The following UBE2G1 variants were observed in gnomAD, a reference collection of about 807,000 sequenced individuals.
UBE2G1 encodes ubiquitin conjugating enzyme E2 G1.
In UBE2G1, 5 loss-of-function variants were observed where a neutral mutation model predicts 22.7. The ratio of observed to expected loss-of-function variants is 0.22; its 90% confidence interval spans 0.12 to 0.46. The LOEUF is 0.46. Among genes scored for constraint, UBE2G1 ranks in the 20% least tolerant of loss-of-function variants. The probability of loss-of-function intolerance (pLI) is 0.99; values close to 1 mark genes in which losing one functional copy is unlikely to be tolerated. For synonymous variants in UBE2G1, 74 were observed against 67.5 expected (o/e 1.10, Z -0.47); for missense variants, 88 against 203.9 (o/e 0.43, Z 3.46).
chr17:4,296,886 T>C (rs1969118935), intron 2 of UBE2G1, 72 bp from the exon 3 acceptor site: 11 of 1,344,056 alleles, frequency 8.2e-6, no homozygotes, highest in East Asian at 4.6e-5. Context: ...TTAAAACAAA[T>C]ATAAAACAAG....
chr17:4,305,418 G>C (rs1239828585), intron 2 of UBE2G1, among the ~76,000 whole-genome samples: 1 of 152,190 alleles, frequency 6.6e-6, no homozygotes, highest in African/African-American at 2.4e-5. Context: ...GCACAGTCCA[G>C]AAGTGACCAC....
intron 5 of UBE2G1, among the ~76,000 whole-genome samples, chr17:4,280,121 C>T (rs1224670749): frequency 1.3e-5 from 2 of 151,246 alleles, no homozygotes; most frequent in Admixed American, 6.6e-5. Flanking sequence ...TCGCAGCCTC[C>T]GCCTCCTGGG....
chr17:4,333,773 T>C (rs1969611872), intron 1 of UBE2G1, among the ~76,000 whole-genome samples: 1 of 151,876 alleles, frequency 6.6e-6, no homozygotes, highest in African/African-American at 2.4e-5. Context: ...GAGCCGAGAT[T>C]GCACCACTGC....
At chr17:4,307,885 AG>A (rs1969265769) in intron 1 of UBE2G1, among the ~76,000 whole-genome samples, 1 of 152,228 alleles carries the variant, frequency 6.6e-6, no homozygotes, top group Non-Finnish European at 1.5e-5. Flanking sequence ...GGGGGCACAC[AG>A]GCCAAGACAG....
chr17:4,340,859 C>T (rs73330840), intron 1 of UBE2G1, among the ~76,000 whole-genome samples: 6,195 of 145,722 alleles, frequency 0.043, 507 homozygotes, highest in African/African-American at 0.15. Flanking sequence ...CCTCCCATTT[C>T]GGCCTTCCAC....
At chr17:4,274,080 A>G (rs975170825) in intron 5 of UBE2G1, among the ~76,000 whole-genome samples, 79 of 143,746 alleles carry the variant, frequency 5.5e-4, no homozygotes, top group Middle Eastern at 8.0e-3. Context: ...TCCCTGGTTC[A>G]CGCCATTCTC....
At chr17:4,282,216 G>C (rs1968901917) in intron 5 of UBE2G1, among the ~76,000 whole-genome samples, 1 of 152,132 alleles carries the variant, frequency 6.6e-6, no homozygotes, top group Non-Finnish European at 1.5e-5. Context: ...CTGAGTAGCT[G>C]GGATTACAGG....
chr17:4,345,018 T>C (rs1969753496), intron 1 of UBE2G1, among the ~76,000 whole-genome samples: 1 of 152,204 alleles, frequency 6.6e-6, no homozygotes, highest in Non-Finnish European at 1.5e-5. Context: ...ACAGAATTAC[T>C]GAAAATTTTA....
At chr17:4,293,098 A>G (rs1056854026) in intron 3 of UBE2G1, among the ~76,000 whole-genome samples, 12 of 152,284 alleles carry the variant, frequency 7.9e-5, no homozygotes, top group African/African-American at 2.6e-4. Flanking sequence ...TTTTCACCCT[A>G]CAATGAAACG....
Position 4,296,787 on chromosome 17 carries a change from A to G in UBE2G1, c.177T>C (p.Leu59=), listed in dbSNP as rs774009953. 2 of 1,614,004 alleles carry G rather than the reference A, an allele frequency of 1.2e-6. No homozygotes were observed. The highest frequency in any genetic ancestry group is 3.3e-5 in the Admixed American group (2 of 60,020). ...GGAGGGGATAATCTTTTGGGAAAGT[A>G]AGATGAGCCTTAAAAACACCACCTT... ...LYEGGVFKAH[L]TFPKDYPLRP... The change falls in exon 3 of 6, where the codon CTT becomes CTC. Residue 59 remains leucine, a synonymous_variant. Transcript: ENST00000396981.
intron 1 of UBE2G1, among the ~76,000 whole-genome samples, chr17:4,346,915 G>A (rs1181189031): frequency 1.3e-5 from 2 of 151,866 alleles, no homozygotes; most frequent in Admixed American, 6.6e-5. Flanking sequence ...CACTTTGGGA[G>A]ACCAAGGCGG....
intron 5 of UBE2G1, 128 bp from the exon 6 acceptor site, chr17:4,272,644 TTCTA>T (rs1968774743): frequency 5.4e-6 from 1 of 186,294 alleles, no homozygotes; most frequent in South Asian, 1.4e-4. Flanking sequence ...CTCACTTTGT[TTCTA>T]TCTATTATGG....
chr17:4,303,900 C>A (rs1389261739), intron 2 of UBE2G1, among the ~76,000 whole-genome samples: 1 of 152,136 alleles, frequency 6.6e-6, no homozygotes, highest in Non-Finnish European at 1.5e-5. Context: ...AAGACATACT[C>A]CTTGAACAGA....
At chr17:4,303,586 C>T (rs750410015) in intron 2 of UBE2G1, among the ~76,000 whole-genome samples, 6 of 152,122 alleles carry the variant, frequency 3.9e-5, no homozygotes, top group African/African-American at 7.2e-5. Flanking sequence ...TTGAACACTA[C>T]GTGATAAACC....
Position 4,272,334 on chromosome 17 carries a change from A to C in UBE2G1, c.*220T>G, listed in dbSNP as rs990600717. On this transcript the variant is annotated 3_prime_UTR_variant, in exon 6 of 6. Transcript: ENST00000396981. ...TTCTTCCTGAAGGTTAAAACAGTTC[A>C]TTAGAATTCAAAATGCGTAATCATC... The C allele has an allele frequency of 2.9e-5, 5 of 174,204 alleles. No homozygotes were observed. The highest frequency in any genetic ancestry group is 4.8e-5 in the African/African-American group (2 of 41,578). The allele number at this position is 174,204 out of a possible 1,614,324, so 10.8% of individuals were successfully genotyped here.
chr17:4,366,025 C>T (rs1330421454), intron 1 of UBE2G1, among the ~76,000 whole-genome samples: 1 of 152,046 alleles, frequency 6.6e-6, no homozygotes. Context: ...ACCTCCTCCT[C>T]TCCGACCCCC....
chr17:4,343,945 CAACAG>C (rs1285048412), intron 1 of UBE2G1, among the ~76,000 whole-genome samples: 10 of 152,072 alleles, frequency 6.6e-5, no homozygotes, highest in African/African-American at 2.2e-4. Context: ...TCCTCAGTTG[CAACAG>C]ATACAAACTC....
At chr17:4,313,586 A>C (rs1286353484) in intron 1 of UBE2G1, among the ~76,000 whole-genome samples, 1 of 152,208 alleles carries the variant, frequency 6.6e-6, no homozygotes, top group African/African-American at 2.4e-5. Flanking sequence ...TAAAGGAGGC[A>C]AAACTAACCA....
intron 1 of UBE2G1, among the ~76,000 whole-genome samples, chr17:4,347,090 T>C (rs1435750446): frequency 2.0e-5 from 3 of 151,706 alleles, no homozygotes; most frequent in Non-Finnish European, 4.4e-5. Context: ...GAGGCGGAGG[T>C]TGCAGTGAGC....
Sources: allele counts gnomAD v4.1 joint callset (sites outside exome capture counted in the v4.1 genomes callset), GRCh38; gene constraint gnomAD v4.1.1; transcripts MANE v1.5; gene names NCBI Gene and HGNC (gene_info 2026-07-23, HGNC 2026-07-21).